ACOXL: variants seen among roughly 807,000 people sequenced by gnomAD.
ACOXL encodes acyl-CoA oxidase like, also known as acyl-coenzyme A oxidase-like protein.
Under a neutral mutation model 71.9 loss-of-function variants are expected in ACOXL, and 70 were observed. The ratio of observed to expected loss-of-function variants is 0.97; its 90% CI spans 0.80 to 1.19. ACOXL has a LOEUF of 1.19. Ranked by LOEUF, ACOXL falls within the 50% of genes most tolerant of loss-of-function variation. The pLI is 0.00. For synonymous variants in ACOXL, 253 were observed against 281.6 expected, an observed-to-expected ratio of 0.90 and a Z score of 1.02; for missense variants, 703 against 736.3, an observed-to-expected ratio of 0.95 and a Z score of 0.52.
intron 16 of ACOXL, among the ~76,000 whole-genome samples, chr2:111,054,773 C>T (rs1205156617): frequency 6.6e-6 from 1 of 152,180 alleles, no homozygotes; most frequent in African/African-American, 2.4e-5. Context: ...TCCAAGAGAT[C>T]GACATGACTC....
chr2:110,953,477 A>G (rs569890116), intron 12 of ACOXL, among the ~76,000 whole-genome samples: 24 of 152,184 alleles, frequency 1.6e-4, no homozygotes, highest in African/African-American at 5.5e-4. Flanking sequence ...GTCTTCTGCA[A>G]TTGGATGCAG....
At chr2:111,023,237 G>A (rs1411657772) in intron 14 of ACOXL, among the ~76,000 whole-genome samples, 1 of 152,088 alleles carries the variant, frequency 6.6e-6, no homozygotes, top group Admixed American at 6.5e-5. Flanking sequence ...AGGGGAGCGG[G>A]GAGATTTAGG....
Position 110,933,495 on chromosome 2 carries a change from T to TG in ACOXL, c.916dup (p.Ala306GlyfsTer5). The TG allele has an allele frequency of 6.2e-7, 1 of 1,613,910 alleles. No individual in the cohort carries two copies. The highest frequency in any genetic ancestry group is 1.3e-5 in the African/African-American group (1 of 75,062). ...TGTCTGCTTTGTCCTGCAGGTATGC[T>TG]GGGGCCCTCCTGGATGAGGATGTCT... is the stretch of plus-strand genomic sequence containing the variant. On this transcript the variant is annotated frameshift_variant, in exon 12 of 18. Transcript: ENST00000439055. LOFTEE classifies it high-confidence loss of function.
intron 9 of ACOXL, among the ~76,000 whole-genome samples, chr2:110,811,958 G>A (rs997431987): frequency 2.0e-5 from 3 of 152,166 alleles, no homozygotes; most frequent in African/African-American, 7.2e-5. Context: ...ATAATGACTT[G>A]CAGGTTCTGT....
intron 17 of ACOXL, among the ~76,000 whole-genome samples, chr2:111,109,739 C>T (rs906261309): frequency 2.4e-5 from 3 of 126,192 alleles, no homozygotes; most frequent in African/African-American, 9.4e-5. Context: ...AGTGCAGTGG[C>T]ATGATCTTGG....
intron 12 of ACOXL, among the ~76,000 whole-genome samples, chr2:110,936,422 C>T (rs1247571032): frequency 6.6e-6 from 1 of 152,142 alleles, no homozygotes; most frequent in Non-Finnish European, 1.5e-5. Flanking sequence ...CATACCACTA[C>T]ACTGGCTAAT....
At chr2:110,753,980 C>T (rs1334512321) in intron 1 of ACOXL, among the ~76,000 whole-genome samples, 1 of 151,548 alleles carries the variant, frequency 6.6e-6, no homozygotes, top group Non-Finnish European at 1.5e-5. Context: ...TGATTTTGAG[C>T]ACTTTCTCGT....
At chr2:111,031,850 A>G (rs2065287133) in intron 15 of ACOXL, 136 bp downstream of exon 15, 3 of 835,930 alleles carry the variant, frequency 3.6e-6, no homozygotes, top group East Asian at 2.6e-5. Flanking sequence ...TTAGGGCCCC[A>G]AGTGACTTAC....
intron 12 of ACOXL, among the ~76,000 whole-genome samples, chr2:110,945,252 T>A (rs1215289889): frequency 6.6e-6 from 1 of 152,252 alleles, no homozygotes; most frequent in Non-Finnish European, 1.5e-5. Flanking sequence ...CTTTGTTGAA[T>A]GCATAGTTGG....
intron 10 of ACOXL, 103 bp downstream of exon 10, chr2:110,841,508 T>C: frequency 1.2e-6 from 1 of 863,570 alleles, no homozygotes; most frequent in Non-Finnish European, 1.8e-6. Context: ...GGTGGTTGCT[T>C]TCCTGTGATG....
At chr2:110,801,769 C>T (rs758912978) in intron 8 of ACOXL, 45 bp downstream of exon 8, 1 of 1,545,476 alleles carries the variant, frequency 6.5e-7, no homozygotes, top group Non-Finnish European at 8.9e-7. Context: ...CAGATGATCT[C>T]ACTGCTCTCC....
chr2:110,825,529 C>T (rs149203604), intron 9 of ACOXL, among the ~76,000 whole-genome samples: 45 of 152,188 alleles, frequency 3.0e-4, no homozygotes, highest in Non-Finnish European at 5.6e-4. Context: ...GGACGTCCTC[C>T]GGCTTTTTTC....
At chr2:110,754,817 T>C (rs1441947198) in intron 1 of ACOXL, among the ~76,000 whole-genome samples, 1 of 152,246 alleles carries the variant, frequency 6.6e-6, no homozygotes, top group Non-Finnish European at 1.5e-5. Context: ...AAAATAATTT[T>C]TGTAAACAAA....
At chr2:110,763,216 C>CA (rs1432465930) in intron 1 of ACOXL, among the ~76,000 whole-genome samples, 1 of 152,104 alleles carries the variant, frequency 6.6e-6, no homozygotes, top group Non-Finnish European at 1.5e-5. Flanking sequence ...ACAAAAGACT[C>CA]ACAATAGCCA....
chr2:110,742,363 T>C (rs1057101867), intron 1 of ACOXL, among the ~76,000 whole-genome samples: 12 of 152,218 alleles, frequency 7.9e-5, no homozygotes, highest in African/African-American at 2.9e-4. Context: ...AAATGAATAA[T>C]TGTACACTAG....
intron 11 of ACOXL, among the ~76,000 whole-genome samples, chr2:110,910,399 G>T (rs1226022316): frequency 6.6e-6 from 1 of 152,158 alleles, no homozygotes; most frequent in African/African-American, 2.4e-5. Context: ...TTGTTTCCAG[G>T]CTGTAGTTAC....
At chr2:111,001,439 C>T (rs2063625678) in intron 14 of ACOXL, among the ~76,000 whole-genome samples, 1 of 150,256 alleles carries the variant, frequency 6.7e-6, no homozygotes, top group Admixed American at 6.6e-5. Context: ...TAAACAAGTG[C>T]TCCTTTCATT....
intron 1 of ACOXL, among the ~76,000 whole-genome samples, chr2:110,739,903 G>T (rs894201152): frequency 2.6e-5 from 4 of 152,132 alleles, no homozygotes; most frequent in Non-Finnish European, 5.9e-5. Context: ...GTTCTTGGTT[G>T]GTCCACGTGG....
intron 9 of ACOXL, among the ~76,000 whole-genome samples, chr2:110,831,913 A>G (rs1689877134): frequency 6.6e-6 from 1 of 152,236 alleles, no homozygotes; most frequent in African/African-American, 2.4e-5. Context: ...TACACCTTAT[A>G]TAAAAATGAC....
Sources: allele counts gnomAD v4.1 joint callset (sites outside exome capture counted in the v4.1 genomes callset), GRCh38; gene constraint gnomAD v4.1.1; transcripts MANE v1.5; gene names NCBI Gene and HGNC (gene_info 2026-07-23, HGNC 2026-07-21).